ANKS3: variants seen among roughly 807,000 people sequenced by gnomAD.
ANKS3 encodes the protein ankyrin repeat and SAM domain-containing protein 3.
Under a neutral mutation model 80.7 loss-of-function variants are expected in ANKS3, and 62 were observed. That is an observed-to-expected ratio of 0.77 (90% CI 0.63 to 0.95). The LOEUF (loss-of-function observed/expected upper bound fraction) is 0.95, where lower values mean the gene tolerates loss of function less well. ANKS3 is among the 40% of genes least tolerant of loss of function. ANKS3 has a pLI of 0.00. For synonymous variants in ANKS3, 489 were observed against 355.3 expected (o/e 1.38, Z -4.23); for missense variants, 1,150 against 883.6 (o/e 1.30, Z -3.82).
At chr16:4,705,403 T>A in intron 7 of ANKS3, 150 bp from the exon 8 acceptor site, 1 of 958,692 alleles carries the variant, frequency 1.0e-6, no homozygotes, top group Non-Finnish European at 1.5e-6. Context: ...AGAAATGCCC[T>A]AACAGGCCGG....
At chr16:4,703,691 G>A (rs1340900739) in intron 8 of ANKS3, among the ~76,000 whole-genome samples, 4 of 152,048 alleles carry the variant, frequency 2.6e-5, no homozygotes, top group African/African-American at 4.8e-5. Flanking sequence ...GATTACAGGC[G>A]TGAGCCACTG....
At chr16:4,704,188 C>T (rs1010281558) in intron 8 of ANKS3, among the ~76,000 whole-genome samples, 4 of 152,210 alleles carry the variant, frequency 2.6e-5, no homozygotes, top group Non-Finnish European at 2.9e-5. Flanking sequence ...GGTGGGTCTC[C>T]AGTTCCCAAC....
chr16:4,728,988 T>C (rs2081492094), intron 3 of ANKS3, among the ~76,000 whole-genome samples: 1 of 152,134 alleles, frequency 6.6e-6, no homozygotes, highest in Non-Finnish European at 1.5e-5. Flanking sequence ...CACTGGGAAC[T>C]GGAAGAGGCA....
intron 7 of ANKS3, among the ~76,000 whole-genome samples, chr16:4,707,064 G>A (rs904117785): frequency 3.3e-5 from 5 of 152,138 alleles, no homozygotes; most frequent in African/African-American, 9.7e-5. Context: ...GGGAGACTGT[G>A]CTTCCATCCA....
chr16:4,701,319 C>CACACACGTGCAG, intron 10 of ANKS3, 115 bp downstream of exon 10: 4 of 1,324,628 alleles, frequency 3.0e-6, no homozygotes, highest in Non-Finnish European at 4.1e-6. Flanking sequence ...CCCAGTGCAG[C>CACACACGTGCAG]ACACACGTGC....
At chr16:4,714,383 G>A (rs946552356) in intron 6 of ANKS3, 197 bp from the exon 7 acceptor site, 1 of 741,128 alleles carries the variant, frequency 1.3e-6, no homozygotes, top group Admixed American at 3.1e-5. Context: ...CTCTTCTTAG[G>A]GACAAGGATG....
At chr16:4,725,813 C>T (rs972969332) in intron 5 of ANKS3, among the ~76,000 whole-genome samples, 10 of 152,108 alleles carry the variant, frequency 6.6e-5, no homozygotes, top group African/African-American at 2.2e-4. Flanking sequence ...GCACCTGCCA[C>T]CACGCCCAGC....
At chr16:4,726,185 C>T (rs1368098313) in intron 5 of ANKS3, among the ~76,000 whole-genome samples, 1 of 151,872 alleles carries the variant, frequency 6.6e-6, no homozygotes, top group Admixed American at 6.6e-5. Flanking sequence ...ACCATGTTAG[C>T]CAGGATGGTC....
chr16:4,724,328 A>G (rs1261171943), intron 6 of ANKS3, among the ~76,000 whole-genome samples: 1 of 152,240 alleles, frequency 6.6e-6, no homozygotes, highest in Non-Finnish European at 1.5e-5. Context: ...AGCAATGTGC[A>G]CACACTTGCC....
At chr16:4,720,926 G>C (rs369863912) in intron 6 of ANKS3, among the ~76,000 whole-genome samples, 1 of 148,260 alleles carries the variant, frequency 6.7e-6, no homozygotes, top group Admixed American at 6.9e-5. Flanking sequence ...TACAGAGCGA[G>C]ACTCCATCTC....
chr16:4,719,747 C>A (rs1293539037), intron 6 of ANKS3, among the ~76,000 whole-genome samples: 2 of 151,984 alleles, frequency 1.3e-5, no homozygotes, highest in Admixed American at 6.6e-5. Context: ...TACAATGACC[C>A]ATGATCAGGC....
intron 6 of ANKS3, among the ~76,000 whole-genome samples, chr16:4,722,258 G>A (rs2081140627): frequency 6.6e-6 from 1 of 151,332 alleles, no homozygotes; most frequent in Admixed American, 6.6e-5. Flanking sequence ...AGAAAATTGG[G>A]CAATAAACAT....
At chr16:4,731,636 CA>C in intron 1 of ANKS3, 57 bp from the exon 2 acceptor site, 3 of 863,532 alleles carry the variant, frequency 3.5e-6, no homozygotes, top group Non-Finnish European at 4.2e-6. Flanking sequence ...TTGAAAATTT[CA>C]AAAAAGTAAA....
chr16:4,698,299 G>C, intron 14 of ANKS3, 128 bp downstream of exon 14: 1 of 1,313,948 alleles, frequency 7.6e-7, no homozygotes, highest in Non-Finnish European at 1.0e-6. Flanking sequence ...TGAAATGGGG[G>C]TGGGGTGGCT....
At chr16:4,701,854 C>T in intron 9 of ANKS3, 1 of 506,626 alleles carries the variant, frequency 2.0e-6, no homozygotes, top group Non-Finnish European at 3.4e-6. Flanking sequence ...GCCCTGAAAG[C>T]CTCAGGGGCT....
chr16:4,730,093 G>C lies in ANKS3; in HGVS notation c.57C>G (p.Ser19=). The change falls in exon 3 of 18, where the codon TCC becomes TCG. Residue 19 remains serine, a synonymous_variant. Transcript: ENST00000304283. ...SEPELLNRSL[S]MWHGLGTQVS... Reference sequence around the variant, plus strand: ...CCTGTGTCCCGAGCCCGTGCCACATGGACAAGCTGCGGTTCAGGAGTTCCG... The same window carrying C: ...CCTGTGTCCCGAGCCCGTGCCACATCGACAAGCTGCGGTTCAGGAGTTCCG... 6.3e-7 allele frequency: 1 copy of C among 1,594,068 alleles called. No individual in the cohort carries two copies. The highest frequency in any genetic ancestry group is 8.6e-7 in the Non-Finnish European group (1 of 1,168,366).
At chr16:4,720,924 GA>G (rs1440886856) in intron 6 of ANKS3, among the ~76,000 whole-genome samples, 2 of 145,496 alleles carry the variant, frequency 1.4e-5, no homozygotes, top group Non-Finnish European at 3.0e-5. Context: ...GCTACAGAGC[GA>G]GACTCCATCT....
chr16:4,700,850 A>G, intron 11 of ANKS3, 120 bp downstream of exon 11: 5 of 1,326,982 alleles, frequency 3.8e-6, no homozygotes, highest in Non-Finnish European at 5.4e-6. Flanking sequence ...GGCCATGGGG[A>G]TGCCACCGCC....
At chr16:4,725,943 C>G (rs922265170) in intron 5 of ANKS3, among the ~76,000 whole-genome samples, 2 of 151,124 alleles carry the variant, frequency 1.3e-5, no homozygotes, top group Admixed American at 6.6e-5. Flanking sequence ...CAGGTGTGAG[C>G]CACTGAGCCC....
Sources: allele counts gnomAD v4.1 joint callset (sites outside exome capture counted in the v4.1 genomes callset), GRCh38; gene constraint gnomAD v4.1.1; transcripts MANE v1.5; gene names NCBI Gene and HGNC (gene_info 2026-07-23, HGNC 2026-07-21).